The following NRG3 variants were observed in gnomAD, a reference collection of about 807,000 sequenced individuals.
NRG3 encodes the protein neuregulin 3.
Under a neutral mutation model 66.9 loss-of-function variants are expected in NRG3, and 31 were observed. The observed-to-expected ratio is 0.46, with a 90% CI of 0.35 to 0.63. The LOEUF is 0.63. Ranked by LOEUF, NRG3 falls within the 20% of genes least tolerant of loss-of-function variation. The pLI, the probability that NRG3 is intolerant of heterozygous loss-of-function variation, is 0.00. For synonymous variants in NRG3, 393 were observed against 359.4 expected (o/e 1.09, Z -1.06); for missense variants, 910 against 878.9 (o/e 1.04, Z -0.45).
chr10:82,344,100 A>G (rs1442396566), intron 1 of NRG3, among the ~76,000 whole-genome samples: 2 of 150,034 alleles, frequency 1.3e-5, no homozygotes, highest in Non-Finnish European at 2.9e-5. Context: ...TTTAGGGTAC[A>G]TGTGCACATT....
chr10:82,589,743 T>C (rs1372630152), intron 2 of NRG3, among the ~76,000 whole-genome samples: 3 of 152,208 alleles, frequency 2.0e-5, no homozygotes, highest in Non-Finnish European at 4.4e-5. Context: ...TCTTCTGCAC[T>C]CACACTACCA....
At chr10:82,295,027 G>T (rs188792629) in intron 1 of NRG3, among the ~76,000 whole-genome samples, 2 of 152,020 alleles carry the variant, frequency 1.3e-5, no homozygotes, top group Non-Finnish European at 2.9e-5. Context: ...AAATTTAAAT[G>T]ATAAAATTTA....
chr10:81,920,227 A>G lies in NRG3; in HGVS notation c.823+44064A>G, dbSNP rs1048047794. 7.2e-5 allele frequency among the ~76,000 whole-genome samples: 11 copies of G among 152,308 alleles called. No individual in the cohort carries two copies. The South Asian group carries it at 1.7e-3, about 23-fold the overall frequency. On this transcript the variant is annotated intron_variant, in intron 1 of 8. Coordinates refer to ENST00000372141, the MANE Select transcript of NRG3 (RefSeq NM_001010848.4). ...AAAGAGATGAGATCTTGCTGGATCAACTGAAGCACCTGCCACCTGCTTGGC... is the reference window on the plus strand; with the variant it reads ...AAAGAGATGAGATCTTGCTGGATCAGCTGAAGCACCTGCCACCTGCTTGGC...
intron 1 of NRG3, among the ~76,000 whole-genome samples, chr10:82,317,294 A>G (rs1422870915): frequency 6.6e-6 from 1 of 151,568 alleles, no homozygotes; most frequent in East Asian, 1.9e-4. Context: ...TTTGGACACT[A>G]TTTTATTTTC....
In NRG3 at chr10:82,923,006, C is replaced by T. The variant is rs182477477; in HGVS notation, c.1055-28463C>T. On this transcript the variant is annotated intron_variant, in intron 4 of 8. Transcript: ENST00000372141. ...TCAGAGTATTCAATGCCATTTGACT[C>T]GGCAGGGAAATGTGATAAACAATAA... Among the ~76,000 whole-genome samples, 396 of 152,236 alleles carry T rather than the reference C, an allele frequency of 2.6e-3. 1 individual carries two copies. Among genetic ancestry groups the T allele is most frequent in the African/African-American group, 8.9e-3 (369 of 41,550 alleles).
intron 3 of NRG3, among the ~76,000 whole-genome samples, chr10:82,847,516 A>G (rs2063358894): frequency 6.6e-6 from 1 of 152,248 alleles, no homozygotes; most frequent in Non-Finnish European, 1.5e-5. Flanking sequence ...TGGTTACTGA[A>G]AGGTACAGTC....
At position 81,876,082 on chromosome 10, in the gene NRG3, C is replaced by G. The variant is rs775174653; in HGVS notation, c.742C>G (p.Gln248Glu). The G allele has an allele frequency of 1.9e-6, 3 of 1,613,622 alleles. No individual in the cohort carries two copies. Among genetic ancestry groups the G allele is most frequent in the Admixed American group, 3.3e-5 (2 of 59,978 alleles). Reference protein sequence around the residue: ...STPSWTLSPFQDAASSSSSSS... With the variant: ...STPSWTLSPFEDAASSSSSSS... ...TCCCTCCTGGACCCTGTCTCCCTTTCAGGATGCTGCCTCCTCTTCTTCCTC... is the reference window on the plus strand; with the variant it reads ...TCCCTCCTGGACCCTGTCTCCCTTTGAGGATGCTGCCTCCTCTTCTTCCTC... The change falls in exon 1 of 9, where the codon CAG (glutamine) becomes GAG (glutamate). Residue 248 changes from glutamine to glutamate, a missense_variant. By Grantham distance (29) the Gln-to-Glu change is conservative. Transcript: ENST00000372141.
At chr10:82,132,525 G>GATATATATATGATATATATATCAT (rs1554831270) in intron 1 of NRG3, among the ~76,000 whole-genome samples, 1 of 54,768 alleles carries the variant, frequency 1.8e-5, no homozygotes, top group African/African-American at 6.5e-5. Context: ...TGATATATAT[G>GATATATATATGATATATATATCAT]ATATATATAT....
intron 4 of NRG3, among the ~76,000 whole-genome samples, chr10:82,931,852 C>G (rs1212162083): frequency 6.6e-6 from 1 of 152,154 alleles, no homozygotes; most frequent in African/African-American, 2.4e-5. Flanking sequence ...AGGAAAAGAG[C>G]AAACATTTAT....
intron 1 of NRG3, among the ~76,000 whole-genome samples, chr10:81,938,842 A>C (rs1444402238): frequency 6.6e-6 from 1 of 151,924 alleles, no homozygotes; most frequent in Admixed American, 6.6e-5. Flanking sequence ...CTTCCTGATC[A>C]TAGGGGAAAA....
intron 1 of NRG3, among the ~76,000 whole-genome samples, chr10:82,232,013 A>G (rs1035179258): frequency 1.3e-5 from 2 of 152,214 alleles, no homozygotes; most frequent in African/African-American, 2.4e-5. Context: ...CTCTAAGCAT[A>G]GGACTAAGAG....
intron 1 of NRG3, among the ~76,000 whole-genome samples, chr10:82,004,295 C>T (rs1020661210): frequency 3.3e-5 from 5 of 151,820 alleles, no homozygotes; most frequent in African/African-American, 7.3e-5. Context: ...ACGTGAATTA[C>T]GGTTTTAAAA....
chr10:82,265,695 C>G (rs991257373), intron 1 of NRG3, among the ~76,000 whole-genome samples: 1 of 152,160 alleles, frequency 6.6e-6, no homozygotes, highest in South Asian at 2.1e-4. Context: ...ACTGACATCA[C>G]CAACAATTAT....
At chr10:82,232,007 A>G (rs2076498783) in intron 1 of NRG3, among the ~76,000 whole-genome samples, 1 of 152,180 alleles carries the variant, frequency 6.6e-6, no homozygotes, top group African/African-American at 2.4e-5. Flanking sequence ...CTGAAACTCT[A>G]AGCATAGGAC....
At chr10:82,505,522 A>T (rs1844586897) in intron 2 of NRG3, among the ~76,000 whole-genome samples, 1 of 152,200 alleles carries the variant, frequency 6.6e-6, no homozygotes, top group African/African-American at 2.4e-5. Flanking sequence ...TCTCAGGCTC[A>T]TTGAGATCTA....
intron 3 of NRG3, among the ~76,000 whole-genome samples, chr10:82,859,827 C>A (rs77858953): frequency 6.6e-6 from 1 of 152,064 alleles, no homozygotes; most frequent in South Asian, 2.1e-4. Flanking sequence ...TATACGTATT[C>A]CAAAATATCT....
intron 3 of NRG3, among the ~76,000 whole-genome samples, chr10:82,817,766 A>G (rs1228314057): frequency 6.6e-6 from 1 of 152,258 alleles, no homozygotes; most frequent in Non-Finnish European, 1.5e-5. Flanking sequence ...AAAAGACATT[A>G]GAGCCTTTCT....
chr10:82,134,264 A>G (rs2069156516), intron 1 of NRG3, among the ~76,000 whole-genome samples: 1 of 152,176 alleles, frequency 6.6e-6, no homozygotes. Context: ...TCTTAAGTTA[A>G]TTAGATCCCA....
chr10:82,766,202 AATT>A (rs1164843058), intron 3 of NRG3, among the ~76,000 whole-genome samples: 77 of 152,298 alleles, frequency 5.1e-4, no homozygotes, highest in Non-Finnish European at 1.9e-4. Flanking sequence ...AATTTACTTT[AATT>A]ATTTTTACGT....
Sources: gnomAD v4.1 joint callset for allele counts (sites outside exome capture counted in the v4.1 genomes callset) on GRCh38, gnomAD v4.1.1 for gene constraint, MANE v1.5 for transcripts, NCBI Gene and HGNC (gene_info 2026-07-23, HGNC 2026-07-21) for gene names.